Variants in HMGB4 observed in about 807,000 individuals in gnomAD.
HMGB4 encodes the protein high mobility group box 4.
For missense variants in HMGB4, 217 were observed against 220.4 expected (o/e 0.98, Z 0.10); for synonymous variants, 82 against 84.9 (o/e 0.97, Z 0.19).
chr1:33,863,937 C>CA (rs1310007826), upstream of HMGB4: 1 of 415,662 alleles, frequency 2.4e-6, no homozygotes, highest in Admixed American at 4.2e-5. Context: ...CTCAAGTAAC[C>CA]AACCAATACG....
rs760030452 is a variant in HMGB4 at position 33,864,188 on chromosome 1, G to A, written c.-4G>A. On this transcript the variant is annotated 5_prime_UTR_variant, in exon 1 of 1. Coordinates refer to ENST00000681531, the MANE Select transcript of HMGB4 (RefSeq NM_001379301.1). ...GAATCCAGAAAAAAGGTGAACTTAC[G>A]AACATGGGAAAAGAAATCCAGCTAA... 6.3e-7 allele frequency: 1 copy of A among 1,590,500 alleles called. No individual in the cohort carries two copies. Among genetic ancestry groups the A allele is most frequent in the Non-Finnish European group, 8.5e-7 (1 of 1,172,198 alleles).
At chr1:33,863,859 G>A (rs1180537961), upstream of HMGB4, 1 of 208,726 alleles carries the variant, frequency 4.8e-6, no homozygotes, top group Non-Finnish European at 9.5e-6. Context: ...ATTATTTCTG[G>A]GGGACATAGC....
rs778065142 is a variant in HMGB4, at chr1:33,864,252, C to A, written c.61C>A (p.Leu21Met). 3 of 1,611,988 alleles carry A rather than the reference C, an allele frequency of 1.9e-6. No homozygotes were observed. Residue 21 changes from leucine to methionine, a missense_variant, in exon 1 of 1, where the codon CTG (leucine) becomes ATG (methionine). Leu to Met is a conservative substitution (Grantham distance 15). Transcript: ENST00000681531. ...TGTCTCTTCTTACGTTCACTTTTTG[C>A]TGAATTACAGAAACAAATTCAAGGA... Reference protein sequence around the residue: ...ANVSSYVHFLLNYRNKFKEQQ... With the variant: ...ANVSSYVHFLMNYRNKFKEQQ...
chr1:33,863,971 A>G (rs1639752860), upstream of HMGB4: 1 of 539,406 alleles, frequency 1.9e-6, no homozygotes, highest in Non-Finnish European at 3.3e-6. Context: ...AAATGCCCAC[A>G]GGTGTTGGCT....
chr1:33,861,038 T>A (rs766386101), upstream of HMGB4: 1 of 152,218 alleles, frequency 6.6e-6, no homozygotes, highest in Non-Finnish European at 1.5e-5. Flanking sequence ...TCACTTATCC[T>A]TGTATGGAGA....
chr1:33,861,687 T>C (rs781584986), upstream of HMGB4, among the ~76,000 whole-genome samples: 43 of 152,094 alleles, frequency 2.8e-4, 2 homozygotes, highest in Non-Finnish European at 1.9e-4. Context: ...CCACTCAAAT[T>C]AAAATGATTG....
upstream of HMGB4, chr1:33,864,039 A>G: frequency 2.9e-6 from 2 of 688,756 alleles, no homozygotes; most frequent in South Asian, 1.9e-5. Flanking sequence ...CAACAATGCC[A>G]TCAGCACTGA....
At chr1:33,862,430 C>T (rs1166602528), upstream of HMGB4, 1 of 143,546 alleles carries the variant, frequency 7.0e-6, no homozygotes, top group African/African-American at 2.6e-5. Context: ...AATATGTGGA[C>T]TTTCATTAAA....
chr1:33,862,037 G>C (rs1639559233), upstream of HMGB4: 1 of 152,296 alleles, frequency 6.6e-6, no homozygotes, highest in Non-Finnish European at 1.5e-5. Flanking sequence ...CCAGGCCAGA[G>C]AAGGTTGAAG....
chr1:33,861,640 T>C (rs778274298), upstream of HMGB4, among the ~76,000 whole-genome samples: 34 of 152,188 alleles, frequency 2.2e-4, no homozygotes, highest in Non-Finnish European at 3.8e-4. Context: ...GCTAAAACCA[T>C]GGTACTTTGG....
rs747412594 is a variant in HMGB4, at chr1:33,864,389, C to T, written c.198C>T (p.Leu66=). ...CCAAATATGAAGCCCTGGCCAAACT[C>T]GACAAAGCCCGATACCAGGAAGAAA... The part of the protein sequence containing the change: ...EKAKYEALAK[L]DKARYQEEMM... The change falls in exon 1 of 1, where the codon CTC becomes CTT. Residue 66 remains leucine, a synonymous_variant. Transcript: ENST00000681531. The T allele has an allele frequency of 1.4e-5, 23 of 1,613,936 alleles. No individual in the cohort carries two copies. The African/African-American group carries it at 2.0e-4, about 14-fold the overall frequency.
rs142033235 is a variant in HMGB4, at chr1:33,864,495, C to A, written c.304C>A (p.Leu102Ile). ...EPRRPPSSFLLFCQDHYAQLK... is the reference protein window; with the variant it reads ...EPRRPPSSFLIFCQDHYAQLK... ...CAGACGGCCTCCATCATCCTTCCTA[C>A]TCTTCTGCCAAGACCACTATGCTCA... is the stretch of plus-strand genomic sequence containing the variant. Residue 102 changes from leucine (L) to isoleucine (I), a missense_variant, in exon 1 of 1, where the codon CTC becomes ATC. Coordinates refer to ENST00000681531, the MANE Select transcript of HMGB4 (RefSeq NM_001379301.1). The A allele has an allele frequency of 2.0e-3, 3,299 of 1,613,832 alleles. 3 individuals carry two copies. Among genetic ancestry groups the A allele is most frequent in the Middle Eastern group, 5.4e-3 (33 of 6,056 alleles).
upstream of HMGB4, chr1:33,862,855 T>C (rs1265761702): frequency 6.6e-6 from 1 of 152,222 alleles, no homozygotes; most frequent in Non-Finnish European, 1.5e-5. Context: ...TTTCCATCTT[T>C]CTTTTACAGA....
upstream of HMGB4, chr1:33,863,373 A>C (rs1383038593): frequency 2.0e-5 from 3 of 152,202 alleles, no homozygotes; most frequent in Non-Finnish European, 4.4e-5. Flanking sequence ...CCCTCACATG[A>C]GAGTGGGGAG....
At chr1:33,861,537 G>T (rs779647093), upstream of HMGB4, among the ~76,000 whole-genome samples, 22 of 152,162 alleles carry the variant, frequency 1.4e-4, no homozygotes, top group Admixed American at 9.2e-4. Context: ...GTCCTTGCAG[G>T]CATGCTTGCT....
At chr1:33,862,398 T>G (rs1639604214), upstream of HMGB4, 2 of 142,844 alleles carry the variant, frequency 1.4e-5, no homozygotes, top group South Asian at 4.4e-4. Flanking sequence ...TGTGTGTGTC[T>G]GAGCCTGAGC....
At chr1:33,863,010 G>C (rs1639662676), upstream of HMGB4, 1 of 152,198 alleles carries the variant, frequency 6.6e-6, no homozygotes, top group South Asian at 2.1e-4. Flanking sequence ...GCTCTGTGCA[G>C]GCAGGATGAA....
At position 33,864,736 on chromosome 1, in the gene HMGB4, G is replaced by A. The variant is rs148700851; in HGVS notation, c.545G>A (p.Arg182Lys). Reference protein sequence around the residue: ...MSARNRCRGKRVRQS With the variant: ...MSARNRCRGKKVRQS The stretch of plus-strand genomic sequence containing the variant: ...GCTAGAAACCGGTGCAGAGGGAAAA[G>A]AGTCAGGCAGAGCTGATGGATCCAG... Residue 182 changes from arginine to lysine, a missense_variant, in exon 1 of 1, where the codon AGA becomes AAA. Transcript: ENST00000681531. The A allele has an allele frequency of 6.8e-6, 11 of 1,609,490 alleles. No homozygotes were observed. Among genetic ancestry groups the A allele is most frequent in the Middle Eastern group, 3.3e-4 (2 of 6,038 alleles).
upstream of HMGB4, among the ~76,000 whole-genome samples, chr1:33,862,004 T>C (rs1039096293): frequency 6.6e-6 from 1 of 152,100 alleles, no homozygotes; most frequent in Non-Finnish European, 1.5e-5. Flanking sequence ...GATCCTCTGA[T>C]GTGGCTCATA....
Sources: allele counts gnomAD v4.1 joint callset (sites outside exome capture counted in the v4.1 genomes callset), GRCh38; gene constraint gnomAD v4.1.1; transcripts MANE v1.5; gene names NCBI Gene and HGNC (gene_info 2026-07-23, HGNC 2026-07-21).